Variants in EPHA10 observed in about 807,000 individuals in gnomAD.
The protein encoded by EPHA10 is ephrin type-A receptor 10.
Under a neutral mutation model 109.7 loss-of-function variants are expected in EPHA10, and 120 were observed. The ratio of observed to expected loss-of-function variants is 1.09; its 90% CI spans 0.94 to 1.27. The LOEUF (loss-of-function observed/expected upper bound fraction) is 1.27, where lower values mean the gene tolerates loss of function less well. EPHA10 is among the 50% of genes most tolerant of loss of function. The probability of loss-of-function intolerance (pLI) is 0.00; values close to 1 mark genes in which losing one functional copy is unlikely to be tolerated. For synonymous variants in EPHA10, 640 were observed against 618.9 expected, an observed-to-expected ratio of 1.03 and a Z score of -0.51; for missense variants, 1,396 against 1,411.1, an observed-to-expected ratio of 0.99 and a Z score of 0.17.
At chr1:37,726,237 G>A (rs564445082) in intron 8 of EPHA10, among the ~76,000 whole-genome samples, 4 of 152,300 alleles carry the variant, frequency 2.6e-5, no homozygotes, top group South Asian at 2.1e-4. Flanking sequence ...CATGCTCCAC[G>A]AGCAAGGAAC....
Position 37,764,172 on chromosome 1 carries a change from G to A in EPHA10, c.106+789C>T, listed in dbSNP as rs983280867. Among the ~76,000 whole-genome samples, 1 of 152,190 alleles carries A rather than the reference G, an allele frequency of 6.6e-6. No individual in the cohort carries two copies. The highest frequency in any genetic ancestry group is 1.5e-5 in the Non-Finnish European group (1 of 68,038). ...GGTGAGGGCCTCTCCAGAGGCGTCA[G>A]CGACTGTGGGCAGGACCGCCGACGG... On this transcript the variant is annotated intron_variant, in intron 1 of 16. Transcript: ENST00000373048. This position sits in a 1 kb window ranked among gnomAD's most constrained non-coding sequence, Gnocchi z 5.8.
intron 11 of EPHA10, among the ~76,000 whole-genome samples, 168 bp downstream of exon 11, chr1:37,721,492 A>G (rs1157863154): frequency 6.6e-6 from 1 of 151,906 alleles, no homozygotes; most frequent in Non-Finnish European, 1.5e-5. Flanking sequence ...TGGCCGCTCC[A>G]GGAGAAGGGC....
In EPHA10 at chr1:37,721,706, C is replaced by T; in HGVS notation, c.2100G>A (p.Gln700=). ...GCCGCACGATGTGGCTATGGTCAAA[C>T]TGGCCCAGCGTGAGGGCCTCGGCCA... is the stretch of plus-strand genomic sequence containing the variant. ...GFLAEALTLG[Q]FDHSHIVRLE... is the part of the protein sequence containing the mutation. Residue 700 remains glutamine (Q), a synonymous_variant, in exon 11 of 17, where the codon CAG becomes CAA. Coordinates refer to ENST00000373048, the MANE Select transcript of EPHA10 (RefSeq NM_001099439.2). 6.2e-7 allele frequency: 1 copy of T among 1,612,258 alleles called. No homozygotes were observed. The highest frequency in any genetic ancestry group is 2.2e-5 in the East Asian group (1 of 44,870).
In EPHA10 at chr1:37,762,100, A is replaced by G. The variant is rs766940529; in HGVS notation, c.172-17T>C. Reference sequence around the variant, plus strand: ...CTCCTCCCACTGGGGACAAGAGTAAAGGGGTGGGCAGCCCAGAGCCAAAGT... The same window carrying G: ...CTCCTCCCACTGGGGACAAGAGTAAGGGGGTGGGCAGCCCAGAGCCAAAGT... On this transcript the variant is annotated splice_polypyrimidine_tract_variant and intron_variant, in intron 2 of 16. Transcript: ENST00000373048. 6 of 1,552,946 alleles carry G rather than the reference A, an allele frequency of 3.9e-6. No individual in the cohort carries two copies. Among genetic ancestry groups the G allele is most frequent in the South Asian group, 2.5e-5 (2 of 80,506 alleles).
downstream of EPHA10, among the ~76,000 whole-genome samples, chr1:37,715,495 C>T (rs1201010619): frequency 6.6e-6 from 1 of 152,102 alleles, no homozygotes; most frequent in Admixed American, 6.6e-5. Context: ...GGCTTCTACC[C>T]CCATCTGAAT....
At position 37,720,416 on chromosome 1, in the gene EPHA10, C is replaced by G; in HGVS notation, c.2347G>C (p.Val783Leu). ...CGCCCGAAGCCAGAGATCTTGCAGA[C>G]AAGGTCGCTGCTGACCAGCACATGG... is the stretch of plus-strand genomic sequence containing the variant. The part of the protein sequence containing the change: ...ARHVLVSSDL[V>L]CKISGFGRGP... The change falls in exon 13 of 17, where the codon GTC (valine) becomes CTC (leucine). Residue 783 changes from valine (V) to leucine (L), a missense_variant. Coordinates refer to ENST00000373048, the MANE Select transcript of EPHA10 (RefSeq NM_001099439.2). The G allele has an allele frequency of 6.2e-7, 1 of 1,613,496 alleles. No homozygotes were observed. The highest frequency in any genetic ancestry group is 8.5e-7 in the Non-Finnish European group (1 of 1,180,008).
At chr1:37,751,836 G>A (rs1646332743) in intron 5 of EPHA10, among the ~76,000 whole-genome samples, 3 of 149,432 alleles carry the variant, frequency 2.0e-5, no homozygotes, top group African/African-American at 7.4e-5. Flanking sequence ...TCGCGCCACT[G>A]CACTCCAGCC....
intron 5 of EPHA10, among the ~76,000 whole-genome samples, chr1:37,742,702 A>G (rs1411558826): frequency 2.9e-5 from 2 of 68,570 alleles, no homozygotes. Context: ...AAAGTCAGTT[A>G]GGGCCCAGCA....
intron 10 of EPHA10, 26 bp from the exon 11 acceptor site, chr1:37,721,871 C>T (rs1268107681): frequency 6.6e-7 from 1 of 1,515,322 alleles, no homozygotes; most frequent in South Asian, 1.3e-5. Context: ...ACCTCAGATA[C>T]CGCCAGAGGC....
intron 7 of EPHA10, 123 bp from the exon 8 acceptor site, chr1:37,727,333 TC>T: frequency 1.4e-6 from 1 of 716,770 alleles, no homozygotes; most frequent in Non-Finnish European, 2.1e-6. Context: ...TGGCACTGCC[TC>T]CCAGCCACAG....
chr1:37,755,302 G>T (rs1017427218), intron 3 of EPHA10, among the ~76,000 whole-genome samples: 1 of 151,118 alleles, frequency 6.6e-6, no homozygotes, highest in Non-Finnish European at 1.5e-5. Flanking sequence ...CCACAGTTAC[G>T]CAGGGACAGA....
At chr1:37,715,860 T>C (rs565749254), downstream of EPHA10, 17 of 549,220 alleles carry the variant, frequency 3.1e-5, no homozygotes, top group Middle Eastern at 6.0e-4. Flanking sequence ...CTCACCTCTA[T>C]GCAGAGAGAT....
Position 37,762,737 on chromosome 1 carries a change from G to A in EPHA10, c.171+48C>T, listed in dbSNP as rs573771434. On this transcript the variant is annotated intron_variant, in intron 2 of 16. Transcript: ENST00000373048. Reference sequence around the variant, plus strand: ...TGAGGAGCTGAGGAGACTGTGTCCTGGACCACCAGAGGATCCCTGGGACAG... The same window carrying A: ...TGAGGAGCTGAGGAGACTGTGTCCTAGACCACCAGAGGATCCCTGGGACAG... 386 of 1,505,374 alleles carry A rather than the reference G, an allele frequency of 2.6e-4. 4 individuals are homozygous for A. The South Asian group carries it at 4.5e-3, about 17-fold the overall frequency. 93.3% of individuals were successfully genotyped at this position (1,505,374 alleles called of 1,614,324 possible). A position where few individuals can be genotyped will look rare whatever the true frequency, so the allele number is the denominator to read the frequency against.
At position 37,727,143 on chromosome 1, in the gene EPHA10, G is replaced by A. The variant is rs761765216; in HGVS notation, c.1731C>T (p.Leu577=). The A allele has an allele frequency of 9.9e-6, 16 of 1,612,970 alleles. 1 individual carries two copies. Among genetic ancestry groups the A allele is most frequent in the East Asian group, 4.5e-5 (2 of 44,754 alleles). The change falls in exon 8 of 17, where the codon CTC becomes CTT. Residue 577 remains leucine (L), a synonymous_variant. Transcript: ENST00000373048. ...VVTVVTISAL[L]VLGSVMSVLA... is the part of the protein sequence containing the mutation. ...GCACACTCATCACGGAGCCCAGGACGAGGAGGGCCGAGATGGTCACTACGG... is the reference window on the plus strand; with the variant it reads ...GCACACTCATCACGGAGCCCAGGACAAGGAGGGCCGAGATGGTCACTACGG...
chr1:37,719,979 C>T lies in EPHA10; in HGVS notation c.2492G>A (p.Ser831Asn). ...CACCTCCCACATGATGATGCCGAAGCTCCACACGTCACTGGCAGAGCTGAA... is the reference window on the plus strand; with the variant it reads ...CACCTCCCACATGATGATGCCGAAGTTCCACACGTCACTGGCAGAGCTGAA... ...GHFSSASDVWSFGIIMWEVMA... is the reference protein window; with the variant it reads ...GHFSSASDVWNFGIIMWEVMA... Residue 831 changes from serine (S) to asparagine (N), a missense_variant, in exon 14 of 17, where the codon AGC becomes AAC. Physicochemically the swap from Ser to Asn is conservative, Grantham distance 46. Coordinates refer to ENST00000373048, the MANE Select transcript of EPHA10 (RefSeq NM_001099439.2). The T allele has an allele frequency of 1.9e-6, 3 of 1,614,062 alleles. No individual in the cohort carries two copies. The highest frequency in any genetic ancestry group is 1.3e-5 in the African/African-American group (1 of 75,028).
At chr1:37,729,993 T>C (rs1216325150) in intron 7 of EPHA10, among the ~76,000 whole-genome samples, 4 of 151,994 alleles carry the variant, frequency 2.6e-5, no homozygotes, top group African/African-American at 9.7e-5. Flanking sequence ...GTCTCTACTA[T>C]CTGAGAGGTA....
Position 37,727,172 on chromosome 1 carries a change from C to A in EPHA10, c.1702G>T (p.Val568Phe). 1.2e-6 allele frequency: 2 copies of A among 1,612,150 alleles called. No homozygotes were observed. The highest frequency in any genetic ancestry group is 8.5e-7 in the Non-Finnish European group (1 of 1,178,958). The change falls in exon 8 of 17, where the codon GTC becomes TTC. Residue 568 changes from valine (V) to phenylalanine (F), a missense_variant. Physicochemically the swap from Val to Phe is conservative, Grantham distance 50 (BLOSUM62 -1). Transcript: ENST00000373048. ...GSRDQSPAIV[V>F]TVVTISALLV... ...AGGGCCGAGATGGTCACTACGGTGA[C>A]GACAATGGCGGGGCTCTGGTCCCTG...
At chr1:37,735,540 C>G (rs1388520048) in intron 5 of EPHA10, 150 bp from the exon 6 acceptor site, 2 of 925,092 alleles carry the variant, frequency 2.2e-6, no homozygotes, top group Admixed American at 5.6e-5. Flanking sequence ...GGCTAGGGAA[C>G]TGACTGAGAG....
chr1:37,729,251 C>T (rs193202798), intron 7 of EPHA10, among the ~76,000 whole-genome samples: 9 of 152,276 alleles, frequency 5.9e-5, no homozygotes, highest in African/African-American at 1.4e-4. Flanking sequence ...GACAACTTGA[C>T]GGCAGCCTTG....
Sources: allele counts gnomAD v4.1 joint callset (sites outside exome capture counted in the v4.1 genomes callset), GRCh38; gene constraint gnomAD v4.1.1; non-coding constraint Gnocchi (gnomAD v3.1); transcripts MANE v1.5; gene names NCBI Gene and HGNC (gene_info 2026-07-23, HGNC 2026-07-21).